The following PCDHA5 variants were observed in gnomAD, a reference collection of about 807,000 sequenced individuals.
The protein encoded by PCDHA5 is protocadherin alpha-5.
PCDHA5 carries 43 observed loss-of-function variants against 61.6 expected under a neutral mutation model. That is an observed-to-expected ratio of 0.70 (90% CI 0.55 to 0.90). PCDHA5 has a LOEUF of 0.90. Among genes scored for constraint, PCDHA5 ranks in the 40% least tolerant of loss-of-function variants. PCDHA5 has a pLI of 0.00. For synonymous variants in PCDHA5, 627 were observed against 543.9 expected, an observed-to-expected ratio of 1.15 and a Z score of -2.13; for missense variants, 1,298 against 1,222.7, an observed-to-expected ratio of 1.06 and a Z score of -0.92.
intron 1 of PCDHA5, chr5:140,830,373 G>C (rs2150185640): frequency 1.2e-6 from 2 of 1,614,144 alleles, no homozygotes; most frequent in South Asian, 2.2e-5. Flanking sequence ...GTGTGCTCCG[G>C]GGAGGGCCCA....
At chr5:140,871,314 G>C (rs199741530) in intron 1 of PCDHA5, 3 of 1,614,048 alleles carry the variant, frequency 1.9e-6, no homozygotes, top group Admixed American at 3.3e-5. Flanking sequence ...GGAAGCCCAC[G>C]CTGGTGTGCT....
chr5:140,925,088 A>G (rs536355365), intron 1 of PCDHA5, among the ~76,000 whole-genome samples: 11 of 151,436 alleles, frequency 7.3e-5, no homozygotes, highest in African/African-American at 2.7e-4. Context: ...CTGGAAAGGA[A>G]GGAAGGAAGG....
intron 1 of PCDHA5, chr5:140,829,906 G>A (rs2150177512): frequency 6.2e-6 from 10 of 1,613,980 alleles, no homozygotes; most frequent in Non-Finnish European, 8.5e-6. Flanking sequence ...GCTACAACGC[G>A]TGGCTTTCGT....
At chr5:140,849,516 G>A in intron 1 of PCDHA5, 2 of 1,597,278 alleles carry the variant, frequency 1.3e-6, no homozygotes, top group East Asian at 2.2e-5. Flanking sequence ...TGTGGAAGTT[G>A]TGGATGTAAA....
intron 2 of PCDHA5, 103 bp downstream of exon 2, chr5:140,979,110 C>G (rs1223081047): frequency 4.6e-5 from 69 of 1,515,610 alleles, no homozygotes; most frequent in Non-Finnish European, 5.9e-5. Flanking sequence ...AACTAAAAAG[C>G]TTTAGGTACT....
intron 1 of PCDHA5, among the ~76,000 whole-genome samples, chr5:140,947,744 TG>T (rs1227312993): frequency 6.6e-6 from 1 of 151,630 alleles, no homozygotes; most frequent in Non-Finnish European, 1.5e-5. Flanking sequence ...CCTATTCTTA[TG>T]TATTTTATGG....
chr5:140,827,752 C>A (rs1357431971), intron 1 of PCDHA5, among the ~76,000 whole-genome samples: 1 of 152,200 alleles, frequency 6.6e-6, no homozygotes, highest in Non-Finnish European at 1.5e-5. Context: ...AGATCCCTTA[C>A]TTTAAATTAA....
In PCDHA5 at chr5:141,003,833, A is replaced by G. The variant is rs1215772990; in HGVS notation, c.2501-5794A>G. On this transcript the variant is annotated intron_variant, in intron 3 of 3. Transcript: ENST00000529859. ...AGTCTGGGAAGGGCTCTGCCTAACG[A>G]TTCAGACCCCTACCAGATTTATATG... is the stretch of plus-strand genomic sequence containing the variant. 2.6e-5 allele frequency among the ~76,000 whole-genome samples: 4 copies of G among 152,176 alleles called. No individual in the cohort carries two copies. In the East Asian group the frequency reaches 7.7e-4, roughly 29 times the overall value.
chr5:140,847,202 C>A (rs1780900949), intron 1 of PCDHA5, among the ~76,000 whole-genome samples: 1 of 149,570 alleles, frequency 6.7e-6, no homozygotes, highest in Non-Finnish European at 1.5e-5. Flanking sequence ...AATTTGGCCA[C>A]TCTTTAGAAT....
chr5:140,961,278 C>T (rs1205288915), intron 1 of PCDHA5, among the ~76,000 whole-genome samples: 1 of 152,192 alleles, frequency 6.6e-6, no homozygotes, highest in Non-Finnish European at 1.5e-5. Context: ...TTTACCATGG[C>T]TCTGTTTCTT....
At chr5:140,964,844 A>G (rs2095857701) in intron 1 of PCDHA5, among the ~76,000 whole-genome samples, 1 of 152,160 alleles carries the variant, frequency 6.6e-6, no homozygotes, top group Admixed American at 6.5e-5. Flanking sequence ...CCTACTCTGT[A>G]CCCTTGAGGA....
chr5:140,838,089 T>TA (rs1775524644), intron 1 of PCDHA5, among the ~76,000 whole-genome samples: 1 of 121,926 alleles, frequency 8.2e-6, no homozygotes, highest in East Asian at 2.1e-4. Context: ...TGTGTGTGTG[T>TA]GTGTGTGTGT....
chr5:140,943,257 C>CAAAAA (rs1238620023), intron 1 of PCDHA5, among the ~76,000 whole-genome samples: 3 of 77,348 alleles, frequency 3.9e-5, no homozygotes, highest in Non-Finnish European at 5.0e-5. Context: ...GACTCTGTCT[C>CAAAAA]AAAAAAAAAA....
At chr5:140,866,703 G>T (rs553518884) in intron 1 of PCDHA5, 45 of 152,224 alleles carry the variant, frequency 3.0e-4, no homozygotes, top group African/African-American at 1.1e-3. Context: ...AGTGGATGAC[G>T]TGCACTAGTA....
chr5:140,926,533 A>G (rs957359754), intron 1 of PCDHA5: 23 of 211,100 alleles, frequency 1.1e-4, no homozygotes, highest in East Asian at 3.3e-4. Context: ...GCCCGCAGCC[A>G]GCGTGGTGGT....
chr5:140,941,942 T>C (rs2093203170), intron 1 of PCDHA5, among the ~76,000 whole-genome samples: 1 of 152,234 alleles, frequency 6.6e-6, no homozygotes, highest in African/African-American at 2.4e-5. Flanking sequence ...GAATTACTTT[T>C]GTTTTGAAAA....
intron 1 of PCDHA5, chr5:140,857,828 C>G (rs781917564): frequency 6.3e-7 from 1 of 1,597,660 alleles, no homozygotes; most frequent in South Asian, 1.1e-5. Flanking sequence ...GGCTAAGGTG[C>G]GCGCAGTGGA....
At chr5:140,895,340 A>G (rs964651163) in intron 1 of PCDHA5, among the ~76,000 whole-genome samples, 1 of 151,822 alleles carries the variant, frequency 6.6e-6, no homozygotes, top group African/African-American at 2.4e-5. Context: ...TTGTTTTACT[A>G]TGCTTTCCAG....
At chr5:140,858,053 G>C (rs1233644213) in intron 1 of PCDHA5, 5 of 1,597,600 alleles carry the variant, frequency 3.1e-6, no homozygotes, top group Non-Finnish European at 4.3e-6. Flanking sequence ...TGTGTCGCTT[G>C]TGGAGGGCAG....
Sources: gnomAD v4.1 joint callset for allele counts (sites outside exome capture counted in the v4.1 genomes callset) on GRCh38, gnomAD v4.1.1 for gene constraint, MANE v1.5 for transcripts, NCBI Gene and HGNC (gene_info 2026-07-23, HGNC 2026-07-21) for gene names.